Variants in PAM observed in about 807,000 individuals in gnomAD.
PAM encodes the protein peptidyl-glycine alpha-amidating monooxygenase.
In PAM, 72 loss-of-function variants were observed where a neutral mutation model predicts 122.1. That is an observed-to-expected ratio of 0.59 (90% CI 0.49 to 0.72). The LOEUF (loss-of-function observed/expected upper bound fraction) is 0.72. PAM is among the 30% of genes least tolerant of loss of function. PAM has a pLI of 0.00. For missense variants in PAM, 1,106 were observed against 1,183.7 expected (o/e 0.93, Z 0.96); for synonymous variants, 389 against 404.4 (o/e 0.96, Z 0.46).
chr5:102,894,838 C>T (rs1795749556), intron 3 of PAM, among the ~76,000 whole-genome samples: 1 of 151,728 alleles, frequency 6.6e-6, no homozygotes, highest in Non-Finnish European at 1.5e-5. Flanking sequence ...AATCCACTCC[C>T]CAGTCATGTC....
In PAM at chr5:102,950,780, G is replaced by A. The variant is rs560723457; in HGVS notation, c.865G>A (p.Val289Ile). Reference sequence around the variant, plus strand: ...TGGTGACCTACTGGCTGCAAGATGTGTATTCACTGGTGAAGGAAGGACAGA... The same window carrying A: ...TGGTGACCTACTGGCTGCAAGATGTATATTCACTGGTGAAGGAAGGACAGA... Reference protein sequence around the residue: ...SFGDLLAARCVFTGEGRTEAT... With the variant: ...SFGDLLAARCIFTGEGRTEAT... The change falls in exon 12 of 26, where the codon GTA (valine) becomes ATA (isoleucine). Residue 289 changes from valine (V) to isoleucine (I), a missense_variant. Val to Ile is a conservative substitution (Grantham distance 29, BLOSUM62 3). Around this residue, in one of 3 missense-constraint regions of PAM, gnomAD observed 670 missense variants for 690.3 expected, o/e 0.97. Transcript: ENST00000438793. 1 of 1,611,306 alleles carries A rather than the reference G, an allele frequency of 6.2e-7. No individual in the cohort carries two copies. The highest frequency in any genetic ancestry group is 1.1e-5 in the South Asian group (1 of 91,022).
At chr5:102,866,416 A>G in intron 2 of PAM, 132 bp downstream of exon 2, 1 of 669,654 alleles carries the variant, frequency 1.5e-6, no homozygotes, top group South Asian at 1.7e-5. Context: ...TTACCACAGT[A>G]ACTTCTTGTG....
intron 12 of PAM, among the ~76,000 whole-genome samples, chr5:102,953,384 G>C (rs1290702877): frequency 2.0e-5 from 3 of 151,472 alleles, no homozygotes; most frequent in African/African-American, 4.9e-5. Flanking sequence ...TTTACAAGGA[G>C]GGGGGGGAAT....
intron 1 of PAM, among the ~76,000 whole-genome samples, chr5:102,822,328 C>G (rs1013735890): frequency 4.6e-5 from 7 of 152,182 alleles, no homozygotes; most frequent in Non-Finnish European, 1.5e-5. Flanking sequence ...AAAGCCTATC[C>G]TGGCAGCTCA....
At chr5:102,801,927 C>T (rs939206639) in intron 1 of PAM, among the ~76,000 whole-genome samples, 36 of 150,640 alleles carry the variant, frequency 2.4e-4, no homozygotes, top group East Asian at 7.9e-4. Flanking sequence ...TACAGGCGCC[C>T]GCCACCACGC....
chr5:102,922,049 T>G (rs987624099), intron 5 of PAM, among the ~76,000 whole-genome samples: 1 of 152,132 alleles, frequency 6.6e-6, no homozygotes, highest in Non-Finnish European at 1.5e-5. Flanking sequence ...CAATAAAATA[T>G]TATAACATGA....
At chr5:102,987,537 AT>A (rs1329303371) in intron 15 of PAM, 4 of 455,926 alleles carry the variant, frequency 8.8e-6, no homozygotes, top group African/African-American at 2.0e-5. Context: ...AAGATATGAA[AT>A]GTTTCCAGTG....
At position 102,950,702 on chromosome 5, in the gene PAM, T is replaced by TTGTC; in HGVS notation, c.802-13_802-10dup. The TTGTC allele has an allele frequency of 6.8e-7, 1 of 1,475,848 alleles. No homozygotes were observed. The highest frequency in any genetic ancestry group is 9.5e-7 in the Non-Finnish European group (1 of 1,055,386). 91.4% of individuals were successfully genotyped at this position (1,475,848 alleles called of 1,614,324 possible). A position where few individuals can be genotyped will look rare whatever the true frequency, so the allele number is the denominator to read the frequency against. ...TGGTAATATTAATGATTCATTGTGT[T>TTGTC]TGTCTTTTTGGTAGGCTTTCTACCC... is the stretch of plus-strand genomic sequence containing the variant. On this transcript the variant is annotated splice_polypyrimidine_tract_variant and intron_variant, in intron 11 of 25. Coordinates refer to ENST00000438793, the MANE Select transcript of PAM (RefSeq NM_001177306.2).
intron 16 of PAM, among the ~76,000 whole-genome samples, chr5:103,001,889 C>G (rs753244891): frequency 2.6e-4 from 39 of 152,106 alleles, no homozygotes; most frequent in Middle Eastern, 3.4e-3. Flanking sequence ...TTTGCTTAAC[C>G]AGTTGCACTA....
At chr5:102,833,361 T>C (rs966919422) in intron 1 of PAM, among the ~76,000 whole-genome samples, 10 of 152,210 alleles carry the variant, frequency 6.6e-5, no homozygotes, top group Non-Finnish European at 1.5e-4. Context: ...AATGGAGTCT[T>C]TGTTAATTGA....
intron 1 of PAM, among the ~76,000 whole-genome samples, chr5:102,834,551 A>C (rs73189051): frequency 0.024 from 3,626 of 152,218 alleles, 70 homozygotes; most frequent in African/African-American, 0.061. Flanking sequence ...GAGCCTGGGG[A>C]AGGGTTACAC....
intron 16 of PAM, among the ~76,000 whole-genome samples, chr5:102,991,439 T>C (rs1774040710): frequency 6.6e-6 from 1 of 152,172 alleles, no homozygotes; most frequent in Admixed American, 6.6e-5. Context: ...ACATCTAATA[T>C]ATCTTCTCTT....
At chr5:102,904,794 A>T (rs1284324798) in intron 4 of PAM, among the ~76,000 whole-genome samples, 1 of 151,672 alleles carries the variant, frequency 6.6e-6, no homozygotes, top group Non-Finnish European at 1.5e-5. Context: ...TGATGGCATT[A>T]AAAGTCAAAA....
At chr5:102,964,559 T>A (rs1763459618) in intron 14 of PAM, among the ~76,000 whole-genome samples, 1 of 151,862 alleles carries the variant, frequency 6.6e-6, no homozygotes, top group Non-Finnish European at 1.5e-5. Context: ...TCTGTAGGGA[T>A]TTCTTTAAAA....
At chr5:103,008,914 T>C (rs1008060019) in intron 20 of PAM, among the ~76,000 whole-genome samples, 7 of 152,102 alleles carry the variant, frequency 4.6e-5, no homozygotes, top group African/African-American at 1.7e-4. Context: ...CAAAAGATAA[T>C]TTTCTCTATA....
intron 3 of PAM, among the ~76,000 whole-genome samples, chr5:102,880,982 C>T (rs1266708524): frequency 6.6e-6 from 1 of 151,830 alleles, no homozygotes; most frequent in Non-Finnish European, 1.5e-5. Flanking sequence ...CTGTTATGTG[C>T]AACTGTGTGT....
chr5:102,971,085 A>C (rs1025592833), intron 14 of PAM, among the ~76,000 whole-genome samples: 1 of 152,146 alleles, frequency 6.6e-6, no homozygotes, highest in East Asian at 1.9e-4. Flanking sequence ...GATTACAGGC[A>C]TGAGCCACCG....
intron 1 of PAM, among the ~76,000 whole-genome samples, chr5:102,830,341 C>T (rs180890512): frequency 1.1e-4 from 17 of 152,214 alleles, no homozygotes; most frequent in Admixed American, 6.5e-4. Context: ...TACAAAACTA[C>T]GGTATCTGCT....
chr5:102,868,952 C>T (rs528293951), intron 3 of PAM, among the ~76,000 whole-genome samples: 1 of 152,232 alleles, frequency 6.6e-6, no homozygotes, highest in Admixed American at 6.5e-5. Flanking sequence ...TTTTTATAAT[C>T]CTATAATTAT....
Sources: allele counts gnomAD v4.1 joint callset (sites outside exome capture counted in the v4.1 genomes callset), GRCh38; gene constraint gnomAD v4.1.1; regional missense constraint gnomAD v4.1.1; transcripts MANE v1.5; gene names NCBI Gene and HGNC (gene_info 2026-07-23, HGNC 2026-07-21).